Variants in ADCY2 observed in about 807,000 individuals in gnomAD.
The protein encoded by ADCY2 is adenylate cyclase type 2.
A neutral mutation model predicts 125.2 loss-of-function variants in ADCY2; 31 were observed. The observed-to-expected ratio is 0.25, with a 90% CI of 0.19 to 0.33. The LOEUF (loss-of-function observed/expected upper bound fraction) is 0.33. Ranked by LOEUF, ADCY2 falls within the 10% of genes least tolerant of loss-of-function variation. The probability of loss-of-function intolerance (pLI) is 1.00; values close to 1 mark genes in which losing one functional copy is unlikely to be tolerated. For missense variants in ADCY2, 904 were observed against 1,418.2 expected (o/e 0.64, Z 5.82); for synonymous variants, 512 against 548.4 (o/e 0.93, Z 0.93).
chr5:7,615,217 A>G (rs943510958), intron 3 of ADCY2, among the ~76,000 whole-genome samples: 16 of 152,152 alleles, frequency 1.1e-4, no homozygotes, highest in Admixed American at 9.2e-4. Context: ...GGGGACTACA[A>G]TTCAACATGA....
At chr5:7,658,399 T>TTTTGTGTG (rs1554029015) in intron 4 of ADCY2, among the ~76,000 whole-genome samples, 8 of 130,942 alleles carry the variant, frequency 6.1e-5, no homozygotes, top group African/African-American at 2.3e-4. Flanking sequence ...GTGAAGAGAA[T>TTTTGTGTG]TGTGTGTGTG....
intron 20 of ADCY2, chr5:7,799,161 T>C (rs1283072644): frequency 6.6e-6 from 1 of 152,250 alleles, no homozygotes; most frequent in Non-Finnish European, 1.5e-5. Flanking sequence ...GGTAGCCATA[T>C]GCTGACATGG....
intron 23 of ADCY2, among the ~76,000 whole-genome samples, chr5:7,818,126 G>T: frequency 6.6e-6 from 1 of 152,102 alleles, no homozygotes; most frequent in East Asian, 1.9e-4. Flanking sequence ...TATAAGAGCA[G>T]TTCAGGCAGC....
chr5:7,686,576 C>T (rs902668560), intron 4 of ADCY2, among the ~76,000 whole-genome samples: 39 of 152,162 alleles, frequency 2.6e-4, no homozygotes, highest in Non-Finnish European at 4.4e-4. Context: ...AACCAGTGTG[C>T]ATCCATCAGT....
intron 2 of ADCY2, among the ~76,000 whole-genome samples, chr5:7,420,518 G>A (rs958564043): frequency 4.6e-5 from 7 of 152,106 alleles, no homozygotes; most frequent in African/African-American, 1.4e-4. Flanking sequence ...TGCCCTCACA[G>A]GTTTTGACTG....
At chr5:7,787,968 C>T (rs79214966) in intron 19 of ADCY2, among the ~76,000 whole-genome samples, 1,674 of 152,200 alleles carry the variant, frequency 0.011, 28 homozygotes, top group African/African-American at 0.039. Context: ...TTGAAGTGTG[C>T]ACCTTTGTCT....
chr5:7,467,126 G>T (rs547346225), intron 2 of ADCY2, among the ~76,000 whole-genome samples: 1 of 152,286 alleles, frequency 6.6e-6, no homozygotes, highest in African/African-American at 2.4e-5. Context: ...TAAGTGAATT[G>T]CCAAAATGCC....
At chr5:7,729,928 T>G (rs1742048717) in intron 14 of ADCY2, among the ~76,000 whole-genome samples, 1 of 151,864 alleles carries the variant, frequency 6.6e-6, no homozygotes, top group Non-Finnish European at 1.5e-5. Context: ...GTGGTTTTTG[T>G]TACATGGATG....
In ADCY2 at chr5:7,802,346, C is replaced by T; in HGVS notation, c.2757C>T (p.Ile919=). The T allele has an allele frequency of 1.2e-6, 2 of 1,614,152 alleles. No homozygotes were observed. The highest frequency in any genetic ancestry group is 1.7e-6 in the Non-Finnish European group (2 of 1,180,018). The change falls in exon 21 of 25, where the codon ATC becomes ATT. Residue 919 remains isoleucine, a synonymous_variant. Transcript: ENST00000338316. This position sits in a 1 kb window ranked among gnomAD's most constrained non-coding sequence, Gnocchi z 4.6. ...GLECLRLLNE[I]IADFDDLLSK... ...AATGCCTTCGGCTCCTGAACGAGAT[C>T]ATCGCTGACTTTGATGATGTAGGTA...
chr5:7,583,586 A>C (rs1010084781), intron 3 of ADCY2, among the ~76,000 whole-genome samples: 4 of 152,046 alleles, frequency 2.6e-5, no homozygotes, highest in Non-Finnish European at 5.9e-5. Context: ...AAAATGACTC[A>C]ATTTAAAAGA....
At chr5:7,669,878 G>A (rs1340577187) in intron 4 of ADCY2, among the ~76,000 whole-genome samples, 6 of 152,180 alleles carry the variant, frequency 3.9e-5, no homozygotes, top group Admixed American at 2.6e-4. Context: ...GCAGGGTTAT[G>A]TAGAGGATGG....
At chr5:7,621,622 C>A (rs1456077954) in intron 3 of ADCY2, among the ~76,000 whole-genome samples, 1 of 152,216 alleles carries the variant, frequency 6.6e-6, no homozygotes, top group East Asian at 1.9e-4. Flanking sequence ...GTCCATTCTC[C>A]TGATTGCGCT....
chr5:7,724,434 T>G, intron 12 of ADCY2, 111 bp from the exon 13 acceptor site: 1 of 804,486 alleles, frequency 1.2e-6, no homozygotes, highest in Non-Finnish European at 2.0e-6. Flanking sequence ...TTAAATGCTG[T>G]TCGGAATGAT....
At chr5:7,681,922 C>G (rs957298693) in intron 4 of ADCY2, among the ~76,000 whole-genome samples, 17 of 152,184 alleles carry the variant, frequency 1.1e-4, no homozygotes, top group Non-Finnish European at 4.4e-5. Flanking sequence ...TATGTATTGT[C>G]CCTTTTTCCT....
At chr5:7,824,844 C>T (rs1011331335) in intron 24 of ADCY2, among the ~76,000 whole-genome samples, 2 of 152,222 alleles carry the variant, frequency 1.3e-5, no homozygotes, top group Admixed American at 6.5e-5. Flanking sequence ...CTCATGAGCA[C>T]AGCCCCTCAT....
intron 2 of ADCY2, 124 bp from the exon 3 acceptor site, chr5:7,520,614 T>C (rs754146775): frequency 9.6e-7 from 1 of 1,043,698 alleles, no homozygotes; most frequent in Non-Finnish European, 1.4e-6. Context: ...ATTTTGTCTA[T>C]AGATTATTTC....
At position 7,476,224 on chromosome 5, in the gene ADCY2, TA is replaced by T. The variant is rs376004084; in HGVS notation, c.409-44502del. Among the ~76,000 whole-genome samples the T allele has an allele frequency of 9.5e-3, 1,326 of 140,282 alleles. 17 individuals carry two copies. The highest frequency in any genetic ancestry group is 0.028 in the African/African-American group (1,060 of 38,280). The allele number at this position is 140,282 out of a possible 152,430, so 92.0% of individuals were successfully genotyped here. ...TTAGTAGGAGACGTCTGGATGGGGG[TA>T]AAAAAAAAAAAGTATGAATGTTGGA... On this transcript the variant is annotated intron_variant, in intron 2 of 24. Transcript: ENST00000338316.
chr5:7,829,919 AAAAT>A lies in ADCY2; in HGVS notation c.*3051_*3054del, dbSNP rs1182624676. 3 of 152,144 alleles carry A rather than the reference AAAAT, an allele frequency of 2.0e-5. No individual in the cohort carries two copies. The highest frequency in any genetic ancestry group is 4.4e-5 in the Non-Finnish European group (3 of 68,066). The allele number at this position is 152,144 out of a possible 1,614,324, so 9.4% of individuals were successfully genotyped here. A position where few individuals can be genotyped will look rare whatever the true frequency, so the allele number is the denominator to read the frequency against. ...ATAGCAAGACCCCCATCTCTGCAAAAAAATAAGAAAATTAGCTTGGCATGGTGGC... is the reference window on the plus strand; with the variant it reads ...ATAGCAAGACCCCCATCTCTGCAAAAAAGAAAATTAGCTTGGCATGGTGGC... On this transcript the variant is annotated 3_prime_UTR_variant, in exon 25 of 25. Coordinates refer to ENST00000338316, the MANE Select transcript of ADCY2 (RefSeq NM_020546.3).
chr5:7,735,484 G>A (rs985225845), intron 14 of ADCY2, among the ~76,000 whole-genome samples: 1 of 152,174 alleles, frequency 6.6e-6, no homozygotes, highest in African/African-American at 2.4e-5. Flanking sequence ...CTTTTATCAA[G>A]ATAAGGAAAT....
Sources: gnomAD v4.1 joint callset for allele counts (sites outside exome capture counted in the v4.1 genomes callset) on GRCh38, gnomAD v4.1.1 for gene constraint, Gnocchi (gnomAD v3.1) non-coding constraint, MANE v1.5 for transcripts, NCBI Gene and HGNC (gene_info 2026-07-23, HGNC 2026-07-21) for gene names.